GOLM1: variants seen among roughly 807,000 people sequenced by gnomAD.
GOLM1 encodes golgi membrane protein 1, also known as epididymis luminal protein 46.
GOLM1 carries 31 observed loss-of-function variants against 50.5 expected under a neutral mutation model. The ratio of observed to expected loss-of-function variants is 0.61; its 90% confidence interval spans 0.46 to 0.83. The LOEUF is 0.83. Among genes scored for constraint, GOLM1 ranks in the 40% least tolerant of loss-of-function variants. GOLM1 has a pLI of 0.00. For synonymous variants in GOLM1, 178 were observed against 192.8 expected (o/e 0.92, Z 0.64); for missense variants, 491 against 501.3 (o/e 0.98, Z 0.20).
intron 9 of GOLM1, among the ~76,000 whole-genome samples, chr9:86,028,359 G>T (rs547086590): frequency 6.6e-6 from 1 of 152,304 alleles, no homozygotes; most frequent in Middle Eastern, 3.4e-3. Context: ...CGATTCGGAC[G>T]CCAAGGGAAA....
chr9:86,088,165 T>G (rs897328938), intron 1 of GOLM1, among the ~76,000 whole-genome samples: 1 of 152,028 alleles, frequency 6.6e-6, no homozygotes, highest in African/African-American at 2.4e-5. Flanking sequence ...GGTTTAATCT[T>G]GGGAGGGTTT....
chr9:86,041,643 G>C (rs1210214326), intron 5 of GOLM1, among the ~76,000 whole-genome samples: 1 of 152,192 alleles, frequency 6.6e-6, no homozygotes. Context: ...TCATGTGACA[G>C]TCATCCTGGC....
At chr9:86,086,379 C>A (rs1834962113) in intron 1 of GOLM1, among the ~76,000 whole-genome samples, 1 of 151,956 alleles carries the variant, frequency 6.6e-6, no homozygotes, top group African/African-American at 2.4e-5. Context: ...GTCAGATGGA[C>A]AGATTACAAA....
intron 4 of GOLM1, among the ~76,000 whole-genome samples, chr9:86,051,219 G>A (rs555046981): frequency 6.6e-6 from 1 of 152,294 alleles, no homozygotes; most frequent in South Asian, 2.1e-4. Context: ...TTGCACTGTG[G>A]TCTGAGAGAC....
At chr9:86,030,158 C>T (rs1205975235) in intron 9 of GOLM1, among the ~76,000 whole-genome samples, 1 of 141,712 alleles carries the variant, frequency 7.1e-6, no homozygotes, top group African/African-American at 2.7e-5. Context: ...GCGGAGACTG[C>T]TGTGAGCCAG....
chr9:86,027,799 A>G lies in GOLM1; in HGVS notation c.*18T>C. ...CATCTCTTCGGCCCTGTTGTGAAAT[A>G]TGTGATTCCAGTTCAATTCAGAGTG... On this transcript the variant is annotated 3_prime_UTR_variant, in exon 10 of 10. Transcript: ENST00000388712. The G allele has an allele frequency of 1.2e-6, 2 of 1,611,270 alleles. No individual in the cohort carries two copies. The highest frequency in any genetic ancestry group is 1.7e-6 in the Non-Finnish European group (2 of 1,178,372).
intron 6 of GOLM1, 153 bp from the exon 7 acceptor site, chr9:86,036,660 C>T (rs1833156347): frequency 1.4e-6 from 1 of 714,336 alleles, no homozygotes; most frequent in Admixed American, 2.9e-5. Context: ...CTGGTCACGC[C>T]CTGGTCATGT....
chr9:86,037,649 T>A (rs1342621915), intron 6 of GOLM1, among the ~76,000 whole-genome samples: 1 of 152,070 alleles, frequency 6.6e-6, no homozygotes, highest in Non-Finnish European at 1.5e-5. Flanking sequence ...GACTGAAAAG[T>A]TATCAGCTCT....
chr9:86,071,652 A>G (rs1350706694), intron 3 of GOLM1, among the ~76,000 whole-genome samples: 1 of 152,204 alleles, frequency 6.6e-6, no homozygotes, highest in African/African-American at 2.4e-5. Flanking sequence ...CAGCCTGGGC[A>G]ACAGAGTGAG....
chr9:86,077,030 T>C (rs1834637718), intron 3 of GOLM1, among the ~76,000 whole-genome samples: 2 of 152,090 alleles, frequency 1.3e-5, no homozygotes, highest in Non-Finnish European at 2.9e-5. Context: ...CATTAGATAC[T>C]TGGAGGGCAC....
At chr9:86,028,102 G>A (rs923831961) in intron 9 of GOLM1, among the ~76,000 whole-genome samples, 5 of 152,010 alleles carry the variant, frequency 3.3e-5, no homozygotes, top group African/African-American at 1.2e-4. Context: ...GGGTAGAGAA[G>A]GGCAGGGTCA....
At chr9:86,037,413 G>A (rs1477337916) in intron 6 of GOLM1, among the ~76,000 whole-genome samples, 1 of 150,024 alleles carries the variant, frequency 6.7e-6, no homozygotes, top group Non-Finnish European at 1.5e-5. Context: ...ATTCCAGCCT[G>A]GGGCGACAGA....
At chr9:86,082,622 G>A (rs7037057) in intron 1 of GOLM1, among the ~76,000 whole-genome samples, 36,402 of 151,138 alleles carry the variant, frequency 0.24, 7,405 homozygotes, top group African/African-American at 0.53. Flanking sequence ...TTCTATTTTT[G>A]TAGAGATGGG....
chr9:86,026,703 C>A lies in GOLM1; in HGVS notation c.*1114G>T. 1.0e-6 allele frequency: 1 copy of A among 981,658 alleles called. No homozygotes were observed. The highest frequency in any genetic ancestry group is 1.2e-6 in the Non-Finnish European group (1 of 826,612). 60.8% of individuals were successfully genotyped at this position (981,658 alleles called of 1,614,324 possible). On this transcript the variant is annotated 3_prime_UTR_variant, in exon 10 of 10. Coordinates refer to ENST00000388712, the MANE Select transcript of GOLM1 (RefSeq NM_016548.4). Reference sequence around the variant, plus strand: ...ATTTACCATAAATAATACTAAGAACCAACTCAAGTCAAACCTTAATGCCAT... The same window carrying A: ...ATTTACCATAAATAATACTAAGAACAAACTCAAGTCAAACCTTAATGCCAT...
At chr9:86,056,504 A>AT (rs375381791) in intron 3 of GOLM1, among the ~76,000 whole-genome samples, 2,370 of 138,732 alleles carry the variant, frequency 0.017, 37 homozygotes, top group Middle Eastern at 0.023. Context: ...TTTTATTTAA[A>AT]TTTTTTTTTT....
At chr9:86,054,166 G>GAT (rs1266765543) in intron 3 of GOLM1, among the ~76,000 whole-genome samples, 1 of 152,020 alleles carries the variant, frequency 6.6e-6, no homozygotes, top group African/African-American at 2.4e-5. Flanking sequence ...AAAGTAGGAA[G>GAT]AATGAGTGTC....
At chr9:86,070,069 G>A (rs1834404414) in intron 3 of GOLM1, among the ~76,000 whole-genome samples, 1 of 151,934 alleles carries the variant, frequency 6.6e-6, no homozygotes, top group Non-Finnish European at 1.5e-5. Flanking sequence ...ATTTTTGGTA[G>A]AGACAGGGTT....
intron 9 of GOLM1, among the ~76,000 whole-genome samples, chr9:86,032,949 C>T (rs543837196): frequency 6.6e-6 from 1 of 152,348 alleles, no homozygotes; most frequent in East Asian, 1.9e-4. Flanking sequence ...GGCTTCTCAT[C>T]TGGGAGGCAG....
intron 1 of GOLM1, among the ~76,000 whole-genome samples, chr9:86,088,662 C>A (rs562809397): frequency 6.7e-6 from 1 of 148,978 alleles, no homozygotes; most frequent in Non-Finnish European, 1.5e-5. Flanking sequence ...TGTGTCTCTG[C>A]GTGTGAGATG....
Sources: gnomAD v4.1 joint callset for allele counts (sites outside exome capture counted in the v4.1 genomes callset) on GRCh38, gnomAD v4.1.1 for gene constraint, MANE v1.5 for transcripts, NCBI Gene and HGNC (gene_info 2026-07-23, HGNC 2026-07-21) for gene names.